The following C12orf42 variants were observed in gnomAD, a reference collection of about 807,000 sequenced individuals.
The protein encoded by C12orf42 is uncharacterized protein C12orf42.
A neutral mutation model predicts 21.6 loss-of-function variants in C12orf42; 25 were observed. The ratio of observed to expected loss-of-function variants is 1.16; its 90% CI spans 0.84 to 1.62. The LOEUF is 1.62. Ranked by LOEUF, C12orf42 falls within the 40% of genes most tolerant of loss-of-function variation. C12orf42 has a pLI of 0.00. For synonymous variants in C12orf42, 174 were observed against 175.0 expected (o/e 0.99, Z 0.05); for missense variants, 483 against 459.3 (o/e 1.05, Z -0.47).
chr12:103,402,228 G>A lies in C12orf42; in HGVS notation c.79-553C>T, dbSNP rs369329586. Reference sequence around the variant, plus strand: ...TGTGAATGAAACAAATCTACAATACGTGCAATAGGTATACTCAGGGAGGTC... The same window carrying A: ...TGTGAATGAAACAAATCTACAATACATGCAATAGGTATACTCAGGGAGGTC... On this transcript the variant is annotated intron_variant, in intron 2 of 5. Coordinates refer to ENST00000548883, the MANE Select transcript of C12orf42 (RefSeq NM_198521.5). Among the ~76,000 whole-genome samples, 6 of 152,268 alleles carry A rather than the reference G, an allele frequency of 3.9e-5. No individual in the cohort carries two copies. In the East Asian group the frequency reaches 1.2e-3, roughly 29 times the overall value.
intron 2 of C12orf42, among the ~76,000 whole-genome samples, chr12:103,416,120 G>C (rs954096093): frequency 2.0e-5 from 3 of 151,374 alleles, no homozygotes; most frequent in Non-Finnish European, 2.9e-5. Context: ...CTGTGTGCTA[G>C]GTGTCATTTT....
downstream of C12orf42, among the ~76,000 whole-genome samples, chr12:103,233,626 C>A (rs929237189): frequency 6.6e-6 from 1 of 152,140 alleles, no homozygotes; most frequent in Non-Finnish European, 1.5e-5. Context: ...TTCACTTATT[C>A]ATTGCTGGTG....
At chr12:103,413,363 A>G (rs1303703745) in intron 2 of C12orf42, among the ~76,000 whole-genome samples, 1 of 152,202 alleles carries the variant, frequency 6.6e-6, no homozygotes, top group East Asian at 1.9e-4. Context: ...GTTTTACAGT[A>G]TAGTTTGAAG....
the C12orf42 span, among the ~76,000 whole-genome samples, chr12:103,554,112 T>TC: frequency 6.6e-6 from 1 of 152,166 alleles, no homozygotes; most frequent in East Asian, 1.9e-4. Flanking sequence ...CCATGTGATC[T>TC]CTCTTAAAGA....
chr12:103,069,314 A>G, the C12orf42 span, among the ~76,000 whole-genome samples: 1 of 151,882 alleles, frequency 6.6e-6, no homozygotes, highest in East Asian at 1.9e-4. Context: ...GTTTATACAG[A>G]TTTTCCTCAA....
the C12orf42 span, among the ~76,000 whole-genome samples, chr12:103,201,301 C>T: frequency 3.0e-4 from 45 of 152,226 alleles, no homozygotes; most frequent in African/African-American, 4.1e-4. Flanking sequence ...CAGCAGACCA[C>T]CAAACAGTGA....
chr12:103,391,074 GGTTT>G (rs1398691246), intron 3 of C12orf42, among the ~76,000 whole-genome samples: 6 of 151,892 alleles, frequency 4.0e-5, no homozygotes, highest in Admixed American at 2.6e-4. Context: ...TTTCGTGTCT[GGTTT>G]ATTTTACTTG....
At chr12:103,144,255 G>A in the C12orf42 span, among the ~76,000 whole-genome samples, 1 of 151,970 alleles carries the variant, frequency 6.6e-6, no homozygotes, top group Admixed American at 6.6e-5. Flanking sequence ...GGAAAAAGAG[G>A]AGACGAGGAG....
the C12orf42 span, among the ~76,000 whole-genome samples, chr12:103,095,817 G>A: frequency 6.6e-6 from 1 of 152,280 alleles, no homozygotes; most frequent in South Asian, 2.1e-4. Flanking sequence ...GGAGGACTTT[G>A]AAGAGCTTCT....
intron 3 of C12orf42, among the ~76,000 whole-genome samples, chr12:103,397,970 C>T (rs1222698117): frequency 2.0e-5 from 3 of 152,122 alleles, no homozygotes; most frequent in Non-Finnish European, 4.4e-5. Flanking sequence ...GATGGACACC[C>T]CAAACACACT....
At chr12:103,419,026 C>A (rs182908249) in intron 2 of C12orf42, among the ~76,000 whole-genome samples, 1 of 152,118 alleles carries the variant, frequency 6.6e-6, no homozygotes, top group Admixed American at 6.5e-5. Context: ...TCATGGGAAG[C>A]TCCCCAAAGA....
chr12:103,227,280 G>A, the C12orf42 span, among the ~76,000 whole-genome samples: 1 of 151,964 alleles, frequency 6.6e-6, no homozygotes, highest in Non-Finnish European at 1.5e-5. Context: ...GTCGGGGCGT[G>A]GAAATAAGGG....
intron 3 of C12orf42, among the ~76,000 whole-genome samples, chr12:103,370,733 T>A (rs2045133388): frequency 6.6e-6 from 1 of 151,698 alleles, no homozygotes; most frequent in Admixed American, 6.6e-5. Flanking sequence ...TACTTGAGGG[T>A]GGAGTGGAGG....
the C12orf42 span, among the ~76,000 whole-genome samples, chr12:103,516,107 AC>A: frequency 6.6e-6 from 1 of 152,368 alleles, no homozygotes; most frequent in East Asian, 1.9e-4. Flanking sequence ...GGATCTGTAA[AC>A]ATGAGAAGTT....
chr12:103,211,625 C>T, the C12orf42 span, among the ~76,000 whole-genome samples: 29 of 152,180 alleles, frequency 1.9e-4, no homozygotes, highest in Non-Finnish European at 3.4e-4. Flanking sequence ...AAGGTCAGTT[C>T]TCCAGCCTTG....
chr12:103,213,701 G>A, the C12orf42 span, among the ~76,000 whole-genome samples: 1 of 152,142 alleles, frequency 6.6e-6, no homozygotes, highest in Admixed American at 6.6e-5. Context: ...GATCAAATAG[G>A]AAAATCTGTC....
At chr12:103,341,142 A>G (rs4764732) in intron 4 of C12orf42, among the ~76,000 whole-genome samples, 65,745 of 140,282 alleles carry the variant, frequency 0.47, 17,769 homozygotes, top group African/African-American at 0.74. Context: ...AAAAGACACC[A>G]CAATAAAAAT....
At chr12:103,222,612 C>T in the C12orf42 span, among the ~76,000 whole-genome samples, 1 of 152,034 alleles carries the variant, frequency 6.6e-6, no homozygotes, top group African/African-American at 2.4e-5. Context: ...CTCATCAGGG[C>T]CTTGCAGGTG....
At chr12:103,351,525 C>G (rs1317967015) in intron 4 of C12orf42, among the ~76,000 whole-genome samples, 2 of 152,092 alleles carry the variant, frequency 1.3e-5, no homozygotes, top group African/African-American at 4.8e-5. Flanking sequence ...GTCTCCTTCA[C>G]CATTGATTTG....
Sources: gnomAD v4.1 joint callset for allele counts (sites outside exome capture counted in the v4.1 genomes callset) on GRCh38, gnomAD v4.1.1 for gene constraint, MANE v1.5 for transcripts, NCBI Gene and HGNC (gene_info 2026-07-23, HGNC 2026-07-21) for gene names.